C14orf39: variants seen among roughly 807,000 people sequenced by gnomAD.
C14orf39 encodes the protein protein SIX6OS1.
C14orf39 carries 66 observed loss-of-function variants against 85.6 expected under a neutral mutation model. The observed-to-expected ratio is 0.77, with a 90% CI of 0.63 to 0.95. The LOEUF (loss-of-function observed/expected upper bound fraction) is 0.95. Among genes scored for constraint, C14orf39 ranks in the 40% least tolerant of loss-of-function variants. C14orf39 has a pLI of 0.00. For missense variants in C14orf39, 735 were observed against 663.9 expected, an observed-to-expected ratio of 1.11 and a Z score of -1.18; for synonymous variants, 242 against 214.0, an observed-to-expected ratio of 1.13 and a Z score of -1.14.
At chr14:60,440,217 C>T (rs1028282632) in intron 17 of C14orf39, among the ~76,000 whole-genome samples, 4 of 152,112 alleles carry the variant, frequency 2.6e-5, no homozygotes, top group East Asian at 3.8e-4. Context: ...TCATTGAATT[C>T]GAAATTCATA....
intron 16 of C14orf39, among the ~76,000 whole-genome samples, chr14:60,454,073 A>C (rs1891154139): frequency 6.6e-6 from 1 of 151,834 alleles, no homozygotes; most frequent in Non-Finnish European, 1.5e-5. Flanking sequence ...TACTCCTAGG[A>C]ATTACTTGTT....
At chr14:60,447,710 A>G (rs1264890330) in intron 16 of C14orf39, among the ~76,000 whole-genome samples, 2 of 152,192 alleles carry the variant, frequency 1.3e-5, no homozygotes, top group African/African-American at 4.8e-5. Context: ...GTTCATATGG[A>G]ACCCAAAAAA....
chr14:60,479,670 G>T (rs968705260), intron 4 of C14orf39, among the ~76,000 whole-genome samples: 5 of 42,570 alleles, frequency 1.2e-4, no homozygotes, highest in Admixed American at 6.4e-4. Flanking sequence ...TACTAAATTA[G>T]CTTAATATTA....
At chr14:60,449,178 G>A (rs188781669) in intron 16 of C14orf39, among the ~76,000 whole-genome samples, 1 of 152,158 alleles carries the variant, frequency 6.6e-6, no homozygotes, top group East Asian at 1.9e-4. Flanking sequence ...AGAACTTAAA[G>A]CATAATTTAA....
At chr14:60,493,781 A>G (rs911889447) in intron 2 of C14orf39, 1 of 152,216 alleles carries the variant, frequency 6.6e-6, no homozygotes, top group Non-Finnish European at 1.5e-5. Flanking sequence ...TCTTAAGAAA[A>G]TGAAAAAAAA....
intron 1 of C14orf39, among the ~76,000 whole-genome samples, chr14:60,502,603 A>G (rs1893161659): frequency 6.6e-6 from 1 of 152,240 alleles, no homozygotes; most frequent in South Asian, 2.1e-4. Context: ...AAAAAAGATT[A>G]AAATTTCATA....
In C14orf39 at chr14:60,497,013, T is replaced by G. The variant is rs929734566; in HGVS notation, c.-9+2283A>C. On this transcript the variant is annotated intron_variant, in intron 2 of 5. Coordinates refer to the C14orf39 transcript ENST00000556799. ...CAAGTCAAGGACAAAATTCTTATCA[T>G]GGCCTACAGGGACCTTTACGGTCCT... The G allele has an allele frequency of 2.0e-5, 3 of 152,388 alleles. No homozygotes were observed. The East Asian group carries it at 5.8e-4, about 29-fold the overall frequency. The allele number at this position is 152,388 out of a possible 1,614,324, so 9.4% of individuals were successfully genotyped here. A position where few individuals can be genotyped will look rare whatever the true frequency, so the allele number is the denominator to read the frequency against.
At chr14:60,474,386 A>C (rs139470301) in intron 5 of C14orf39, among the ~76,000 whole-genome samples, 72,608 of 94,836 alleles carry the variant, frequency 0.77, 29,847 homozygotes, top group Non-Finnish European at 0.9. Context: ...ATTGAATACC[A>C]TTTATTTCTT....
At chr14:60,452,697 C>G (rs1184883755) in intron 16 of C14orf39, among the ~76,000 whole-genome samples, 2 of 152,070 alleles carry the variant, frequency 1.3e-5, no homozygotes, top group Non-Finnish European at 2.9e-5. Flanking sequence ...GGGATGGATA[C>G]TCTCCCTTTC....
At chr14:60,437,246 T>G (rs1326623818) in intron 17 of C14orf39, among the ~76,000 whole-genome samples, 199 bp from the exon 18 acceptor site, 1 of 151,886 alleles carries the variant, frequency 6.6e-6, no homozygotes, top group African/African-American at 2.4e-5. Flanking sequence ...AGACTCAAAC[T>G]TAAACCCTGT....
At chr14:60,449,504 C>T (rs1776754259) in intron 16 of C14orf39, among the ~76,000 whole-genome samples, 1 of 152,122 alleles carries the variant, frequency 6.6e-6, no homozygotes, top group African/African-American at 2.4e-5. Context: ...CGTTATCATG[C>T]CCTTTATTAC....
intron 1 of C14orf39, chr14:60,509,831 G>C (rs753099890): frequency 6.2e-7 from 1 of 1,613,906 alleles, no homozygotes; most frequent in South Asian, 1.1e-5. Context: ...CCTGCTACGC[G>C]AGTGGTACCT....
At chr14:60,490,259 C>A (rs1324277890), upstream of C14orf39, among the ~76,000 whole-genome samples, 1 of 152,038 alleles carries the variant, frequency 6.6e-6, no homozygotes, top group Non-Finnish European at 1.5e-5. Flanking sequence ...TCAGTAATTG[C>A]AAACAACAGA....
chr14:60,457,129 A>C (rs1412059786), intron 14 of C14orf39, 34 bp from the exon 15 acceptor site: 1 of 1,398,942 alleles, frequency 7.1e-7, no homozygotes. Flanking sequence ...ACTATAAAAC[A>C]AATGCTGCTG....
chr14:60,500,999 G>T (rs1454908544), intron 1 of C14orf39, among the ~76,000 whole-genome samples: 2 of 152,084 alleles, frequency 1.3e-5, no homozygotes, highest in Admixed American at 1.3e-4. Context: ...GAATGTGTGT[G>T]TACATGTAGG....
rs1482222395 is a variant in C14orf39 at position 60,515,146 on chromosome 14, G to C, written c.-144+249C>G. ...GCGCCGCGCGGCTACCCCCGTGCCCGGCGCCGCCGACGGGAAGGCAGCGGC... is the reference window on the plus strand; with the variant it reads ...GCGCCGCGCGGCTACCCCCGTGCCCCGCGCCGCCGACGGGAAGGCAGCGGC... On this transcript the variant is annotated intron_variant, in intron 1 of 5. Transcript: ENST00000556799. This position sits in a 1 kb window ranked among gnomAD's most constrained non-coding sequence, Gnocchi z 6.2. 6.6e-6 allele frequency: 1 copy of C among 152,040 alleles called. No homozygotes were observed. The highest frequency in any genetic ancestry group is 2.4e-5 in the African/African-American group (1 of 41,440). 9.4% of individuals were successfully genotyped at this position (152,040 alleles called of 1,614,324 possible).
intron 9 of C14orf39, among the ~76,000 whole-genome samples, chr14:60,467,537 A>C (rs1326226403): frequency 2.0e-5 from 3 of 151,892 alleles, no homozygotes; most frequent in South Asian, 4.1e-4. Context: ...AAATAGAATA[A>C]ACAGTGTCAG....
intron 16 of C14orf39, among the ~76,000 whole-genome samples, chr14:60,452,010 A>G (rs990584620): frequency 1.3e-5 from 2 of 150,656 alleles, no homozygotes; most frequent in South Asian, 4.2e-4. Context: ...GTGAAACCCC[A>G]TCTCTACTAA....
Position 60,454,997 on chromosome 14 carries a change from T to A in C14orf39, c.1503+4A>T. On this transcript the variant is annotated splice_donor_region_variant and intron_variant, in intron 16 of 17. Coordinates refer to ENST00000321731, the MANE Select transcript of C14orf39 (RefSeq NM_174978.3). Reference sequence around the variant, plus strand: ...GAAATAAAACTTTTGGCTTCTCATATTACCTGATCTGATGAGATTTCTGTA... The same window carrying A: ...GAAATAAAACTTTTGGCTTCTCATAATACCTGATCTGATGAGATTTCTGTA... The A allele has an allele frequency of 3.3e-6, 5 of 1,520,206 alleles. No homozygotes were observed. The highest frequency in any genetic ancestry group is 4.4e-6 in the Non-Finnish European group (5 of 1,144,620). 94.2% of individuals were successfully genotyped at this position (1,520,206 alleles called of 1,614,324 possible).
Sources: allele counts gnomAD v4.1 joint callset (sites outside exome capture counted in the v4.1 genomes callset), GRCh38; gene constraint gnomAD v4.1.1; non-coding constraint Gnocchi (gnomAD v3.1); transcripts MANE v1.5; gene names NCBI Gene and HGNC (gene_info 2026-07-23, HGNC 2026-07-21).